Variants in MTMR6 observed in about 807,000 individuals in gnomAD.
The protein encoded by MTMR6 is phosphatidylinositol-3,5-bisphosphate 3-phosphatase MTMR6.
In MTMR6, 47 loss-of-function variants were observed where a neutral mutation model predicts 80.1. That is an observed-to-expected ratio of 0.59 (90% CI 0.46 to 0.75). MTMR6 has a LOEUF of 0.75. Among genes scored for constraint, MTMR6 ranks in the 30% least tolerant of loss-of-function variants. MTMR6 has a pLI of 0.00. For synonymous variants in MTMR6, 254 were observed against 253.0 expected (o/e 1.00, Z -0.04); for missense variants, 629 against 730.9 (o/e 0.86, Z 1.61).
intron 2 of MTMR6, 69 bp from the exon 3 acceptor site, chr13:25,268,010 A>C (rs374963143): frequency 7.8e-6 from 11 of 1,416,790 alleles, no homozygotes; most frequent in Middle Eastern, 1.8e-4. Flanking sequence ...AGAATGCATA[A>C]GTTTAAGAAT....
At chr13:25,278,262 A>G (rs1041918373) in intron 1 of MTMR6, among the ~76,000 whole-genome samples, 14 of 152,302 alleles carry the variant, frequency 9.2e-5, no homozygotes, top group Admixed American at 2.6e-4. Flanking sequence ...TTTCTCCCAC[A>G]TTTTAAAGGA....
At chr13:25,277,645 T>C (rs1020421322) in intron 1 of MTMR6, among the ~76,000 whole-genome samples, 6 of 152,250 alleles carry the variant, frequency 3.9e-5, no homozygotes, top group African/African-American at 1.4e-4. Context: ...ATTCATTCAG[T>C]AATTCTTGAA....
At chr13:25,285,681 C>T (rs763425430) in intron 1 of MTMR6, among the ~76,000 whole-genome samples, 2 of 152,034 alleles carry the variant, frequency 1.3e-5, no homozygotes, top group African/African-American at 4.8e-5. Flanking sequence ...TTACAGGCGC[C>T]TGCCACCATG....
chr13:25,255,945 C>A (rs1593143503), intron 9 of MTMR6, among the ~76,000 whole-genome samples: 1 of 152,308 alleles, frequency 6.6e-6, no homozygotes, highest in East Asian at 1.9e-4. Flanking sequence ...TGTCTACACT[C>A]GCCTCCTAGC....
At chr13:25,274,367 C>T (rs1957658253) in intron 1 of MTMR6, among the ~76,000 whole-genome samples, 180 bp from the exon 2 acceptor site, 4 of 152,038 alleles carry the variant, frequency 2.6e-5, no homozygotes, top group Admixed American at 2.6e-4. Context: ...CCACAAATAA[C>T]ATAGAGATTA....
chr13:25,284,999 T>C (rs941613376), intron 1 of MTMR6, among the ~76,000 whole-genome samples: 2 of 152,154 alleles, frequency 1.3e-5, no homozygotes, highest in East Asian at 1.9e-4. Flanking sequence ...AGGAGCATAT[T>C]TGAAAAGTAG....
At chr13:25,274,313 T>C in intron 1 of MTMR6, 126 bp from the exon 2 acceptor site, 2 of 571,022 alleles carry the variant, frequency 3.5e-6, no homozygotes, top group South Asian at 2.3e-5. Context: ...GCTTATTTAA[T>C]ACTTACTGTT....
intron 1 of MTMR6, among the ~76,000 whole-genome samples, chr13:25,274,521 G>C (rs893394739): frequency 6.6e-6 from 1 of 151,670 alleles, no homozygotes; most frequent in Non-Finnish European, 1.5e-5. Context: ...ATCTAAAGTT[G>C]GAAAATCAAA....
chr13:25,265,557 C>T (rs546683189), intron 5 of MTMR6, among the ~76,000 whole-genome samples: 1 of 152,070 alleles, frequency 6.6e-6, no homozygotes, highest in East Asian at 1.9e-4. Context: ...GCCTGGTCAA[C>T]GTGGCAAAAC....
intron 1 of MTMR6, among the ~76,000 whole-genome samples, chr13:25,274,981 C>T (rs887079766): frequency 2.1e-5 from 3 of 146,228 alleles, no homozygotes; most frequent in East Asian, 2.0e-4. Flanking sequence ...CACACACACA[C>T]ACACACACAC....
chr13:25,258,174 C>T (rs1029277457), intron 7 of MTMR6, among the ~76,000 whole-genome samples: 3 of 152,088 alleles, frequency 2.0e-5, no homozygotes, highest in African/African-American at 7.2e-5. Context: ...ATTTATTGTA[C>T]TGACTACTCA....
At chr13:25,260,998 T>G (rs1957323013) in intron 6 of MTMR6, among the ~76,000 whole-genome samples, 1 of 152,184 alleles carries the variant, frequency 6.6e-6, no homozygotes, top group Middle Eastern at 3.4e-3. Flanking sequence ...TGAAAATTCT[T>G]CAAAAAAGAA....
chr13:25,262,142 CA>C (rs1472959507), intron 5 of MTMR6, among the ~76,000 whole-genome samples: 22 of 152,020 alleles, frequency 1.4e-4, no homozygotes, highest in Non-Finnish European at 2.5e-4. Context: ...AACTGAAGTT[CA>C]AGTAAAAGAT....
In MTMR6 at chr13:25,261,788, T is replaced by A. The variant is rs771202835; in HGVS notation, c.606A>T (p.Arg202=). ...TGAATCCAGAGAGTGGCTGACTACA[T>A]CGACAAATGGCAGCCTATTTTTTAA... ...YHQDKEAAIC[R]CSQPLSGFSA... The change falls in exon 6 of 14, where the codon CGA becomes CGT. Residue 202 remains arginine, a synonymous_variant. Coordinates refer to ENST00000381801, the MANE Select transcript of MTMR6 (RefSeq NM_004685.5). 1 of 1,612,010 alleles carries A rather than the reference T, an allele frequency of 6.2e-7. No homozygotes were observed. Among genetic ancestry groups the A allele is most frequent in the South Asian group, 1.1e-5 (1 of 90,846 alleles).
rs1418823670 is a variant in MTMR6 at position 25,247,143 on chromosome 13, A to C, written c.*2089T>G. On this transcript the variant is annotated 3_prime_UTR_variant, in exon 14 of 14. Transcript: ENST00000381801. ...TATTATTTATCAACAAACTTTTGGAAAATAAACTCCTCAAACCTTATGCTG... is the reference window on the plus strand; with the variant it reads ...TATTATTTATCAACAAACTTTTGGACAATAAACTCCTCAAACCTTATGCTG... The C allele has an allele frequency of 6.6e-6, 1 of 152,314 alleles. No individual in the cohort carries two copies. The highest frequency in any genetic ancestry group is 1.5e-5 in the Non-Finnish European group (1 of 68,018). The allele number at this position is 152,314 out of a possible 1,614,324, so 9.4% of individuals were successfully genotyped here.
rs147535221 is a variant in MTMR6, at chr13:25,263,841, G to C, written c.591+1978C>G. Among the ~76,000 whole-genome samples, 1,503 of 152,236 alleles carry C rather than the reference G, an allele frequency of 9.9e-3. 27 individuals are homozygous for C. Among genetic ancestry groups the C allele is most frequent in the African/African-American group, 0.033 (1,352 of 41,514 alleles). ...GCGGAGGTTGCAGTGAGCCGAGATT[G>C]TGCCACTGCACTCCAGCCTGGGAAA... On this transcript the variant is annotated intron_variant, in intron 5 of 13. Transcript: ENST00000381801.
At chr13:25,252,954 GCTTC>G (rs1477325132) in intron 11 of MTMR6, among the ~76,000 whole-genome samples, 1 of 152,086 alleles carries the variant, frequency 6.6e-6, no homozygotes, top group African/African-American at 2.4e-5. Flanking sequence ...ACCAGATTTA[GCTTC>G]CTTAATATGT....
chr13:25,284,313 GAGC>G (rs1555251659), intron 1 of MTMR6, among the ~76,000 whole-genome samples: 1 of 152,062 alleles, frequency 6.6e-6, no homozygotes, highest in Non-Finnish European at 1.5e-5. Context: ...TGAACTAATT[GAGC>G]AGGTTACTTA....
intron 3 of MTMR6, 97 bp from the exon 4 acceptor site, chr13:25,266,383 T>A: frequency 1.9e-6 from 2 of 1,063,992 alleles, no homozygotes; most frequent in Non-Finnish European, 2.7e-6. Context: ...CATTTTTCTC[T>A]TTACAATCTT....
Sources: gnomAD v4.1 joint callset for allele counts (sites outside exome capture counted in the v4.1 genomes callset) on GRCh38, gnomAD v4.1.1 for gene constraint, MANE v1.5 for transcripts, NCBI Gene and HGNC (gene_info 2026-07-23, HGNC 2026-07-21) for gene names.